The following SEPTIN6 variants were observed in gnomAD, a reference collection of about 807,000 sequenced individuals.
The protein encoded by SEPTIN6 is septin-6.
In SEPTIN6, 8 loss-of-function variants were observed where a neutral mutation model predicts 33.6. The ratio of observed to expected loss-of-function variants is 0.24; its 90% CI spans 0.14 to 0.43. SEPTIN6 has a LOEUF of 0.43. Among genes scored for constraint, SEPTIN6 ranks in the 20% least tolerant of loss-of-function variants. The pLI, the probability that SEPTIN6 is intolerant of heterozygous loss-of-function variation, is 1.00. For synonymous variants in SEPTIN6, 131 were observed against 140.0 expected (o/e 0.94, Z 0.45); for missense variants, 250 against 340.8 (o/e 0.73, Z 2.10).
intron 2 of SEPTIN6, among the ~76,000 whole-genome samples, chrX:119,663,984 G>A (rs1258806224): frequency 3.6e-5 from 4 of 110,366 alleles, no homozygotes; most frequent in African/African-American, 1.3e-4. Context: ...GTTGTTGTTT[G>A]TTTGTTTGTT....
At chrX:119,616,531 A>G (rs753936562), downstream of SEPTIN6, 1 of 541,054 alleles carries the variant, frequency 1.8e-6, no homozygotes, top group East Asian at 3.4e-5. Context: ...CATTTAAAAT[A>G]CCATGTGAGT....
At chrX:119,616,596 TGTG>T, downstream of SEPTIN6, 1 of 690,660 alleles carries the variant, frequency 1.4e-6, no homozygotes, top group Non-Finnish European at 2.3e-6. Flanking sequence ...TGTTGAGTGG[TGTG>T]GTGTATGTGT....
intron 1 of SEPTIN6, among the ~76,000 whole-genome samples, chrX:119,690,348 T>TACACACACACACACAC (rs1196119691): frequency 1.3e-4 from 10 of 75,006 alleles, no homozygotes; most frequent in African/African-American, 4.1e-4. Flanking sequence ...TACATACACA[T>TACACACACACACACAC]ACACACACAC....
chrX:119,682,096 C>T (rs1045102018), intron 1 of SEPTIN6, among the ~76,000 whole-genome samples: 2 of 110,649 alleles, frequency 1.8e-5, no homozygotes, highest in African/African-American at 6.6e-5. Flanking sequence ...AATATGAGCC[C>T]ATATATGCCC....
intron 5 of SEPTIN6, among the ~76,000 whole-genome samples, chrX:119,642,686 C>T (rs1467532256): frequency 1.8e-5 from 2 of 111,633 alleles, no homozygotes; most frequent in Admixed American, 1.9e-4. Context: ...AGGCTGATCT[C>T]ACAGTCAATT....
intron 9 of SEPTIN6, among the ~76,000 whole-genome samples, chrX:119,627,092 C>G (rs2053867925): frequency 8.9e-6 from 1 of 111,861 alleles, no homozygotes; most frequent in South Asian, 3.7e-4. Flanking sequence ...CATGTTATTC[C>G]TAAGTGATAA....
chrX:119,646,513 A>T (rs2054259533), intron 5 of SEPTIN6, among the ~76,000 whole-genome samples: 1 of 112,022 alleles, frequency 8.9e-6, no homozygotes, highest in Non-Finnish European at 1.9e-5. Flanking sequence ...CAACCTTGAG[A>T]GATATCAGAG....
intron 3 of SEPTIN6, among the ~76,000 whole-genome samples, chrX:119,655,961 G>A (rs2054436228): frequency 8.9e-6 from 1 of 111,944 alleles, no homozygotes; most frequent in African/African-American, 3.2e-5. Flanking sequence ...TCCAGTTGTT[G>A]TAAATAGCTC....
intron 4 of SEPTIN6, among the ~76,000 whole-genome samples, chrX:119,651,105 G>A (rs2054343023): frequency 9.0e-6 from 1 of 110,528 alleles, no homozygotes. Context: ...GGGGGTGGGG[G>A]AGGGGCATAG....
chrX:119,645,752 G>C (rs180862795), intron 5 of SEPTIN6, among the ~76,000 whole-genome samples: 11 of 110,932 alleles, frequency 9.9e-5, no homozygotes, highest in South Asian at 3.8e-4. Context: ...GGATGGTCTC[G>C]ATCTCTTGAC....
chrX:119,663,590 C>T lies in SEPTIN6; in HGVS notation c.233G>A (p.Gly78Asp). Residue 78 changes from glycine to aspartate, a missense_variant, in exon 3 of 11, where the codon GGT becomes GAT. Gly to Asp is a moderately conservative substitution (Grantham distance 94). Around this residue, in one of 2 missense-constraint regions of SEPTIN6, gnomAD observed 111 missense variants for 113.8 expected, o/e 0.98. Coordinates refer to ENST00000394610, the MANE Select transcript of SEPTIN6 (RefSeq NM_145799.4). ...ATAGGTATTAGACTGGAGCTGGACA[C>T]CCGGCTGTGTGTGGGTGGCTGGCTC... ...EGEPATHTQP[G>D]VQLQSNTYDL... is the part of the protein sequence containing the mutation. The T allele has an allele frequency of 8.3e-7, 1 of 1,210,797 alleles. No individual in the cohort carries two copies. The highest frequency in any genetic ancestry group is 1.1e-6 in the Non-Finnish European group (1 of 895,029).
chrX:119,661,379 T>C (rs941365331), intron 3 of SEPTIN6, among the ~76,000 whole-genome samples: 2 of 110,655 alleles, frequency 1.8e-5, no homozygotes, highest in Admixed American at 9.7e-5. Flanking sequence ...TGCAGTGAGC[T>C]GAGATCACAC....
intron 1 of SEPTIN6, among the ~76,000 whole-genome samples, chrX:119,683,425 C>T (rs1329745397): frequency 8.9e-6 from 1 of 112,412 alleles, no homozygotes; most frequent in African/African-American, 3.2e-5. Context: ...ATCTCCAAGA[C>T]TATGAATCAT....
At position 119,629,513 on chromosome X, in the gene SEPTIN6, C is replaced by T. The variant is rs755371763; in HGVS notation, c.1090-5G>A. On this transcript the variant is annotated splice_polypyrimidine_tract_variant and splice_region_variant and intron_variant, in intron 8 of 10. Transcript: ENST00000394610. ...ACGGTCAAACTTCTCGTGCAGCTGGCAGGGAAGCACAGGGAGATTGGAGAG... is the reference window on the plus strand; with the variant it reads ...ACGGTCAAACTTCTCGTGCAGCTGGTAGGGAAGCACAGGGAGATTGGAGAG... 8.3e-7 allele frequency: 1 copy of T among 1,203,626 alleles called. No individual in the cohort carries two copies. Among genetic ancestry groups the T allele is most frequent in the Non-Finnish European group, 1.1e-6 (1 of 890,608 alleles).
At chrX:119,686,261 C>T (rs776782059) in intron 1 of SEPTIN6, among the ~76,000 whole-genome samples, 11 of 111,969 alleles carry the variant, frequency 9.8e-5, no homozygotes, top group Non-Finnish European at 1.9e-4. Flanking sequence ...CCTGCCTCAG[C>T]GCCAGTGTTC....
Position 119,681,962 on chromosome X carries a change from G to A in SEPTIN6, c.31-6294C>T, listed in dbSNP as rs6646445. ...TGATGTGGGAGGATTGCTTGAGCCC[G>A]GTAGGTCGAGGATGTAGTGGGCCAA... On this transcript the variant is annotated intron_variant, in intron 1 of 10. Transcript: ENST00000394610. 1.1e-3 allele frequency among the ~76,000 whole-genome samples: 117 copies of A among 111,057 alleles called. No homozygotes were observed. In the East Asian group the frequency reaches 0.029, roughly 28 times the overall value.
intron 2 of SEPTIN6, among the ~76,000 whole-genome samples, chrX:119,673,841 CA>C (rs774954935): frequency 0.17 from 6,361 of 37,873 alleles, 177 homozygotes; most frequent in Admixed American, 0.31. Context: ...GACTCTGTCT[CA>C]AAAAAAAAAA....
At chrX:119,625,249 T>C in intron 10 of SEPTIN6, 86 bp downstream of exon 10, 1 of 620,766 alleles carries the variant, frequency 1.6e-6, no homozygotes, top group Non-Finnish European at 2.7e-6. Flanking sequence ...TCTTCTACGA[T>C]TAGATGCTTG....
chrX:119,676,842 T>G (rs927326931), intron 1 of SEPTIN6, among the ~76,000 whole-genome samples: 11 of 111,948 alleles, frequency 9.8e-5, no homozygotes, highest in African/African-American at 3.6e-4. Context: ...GTGTAGAGGT[T>G]AAGAGTAGAG....
Sources: allele counts gnomAD v4.1 joint callset (sites outside exome capture counted in the v4.1 genomes callset), GRCh38; gene constraint gnomAD v4.1.1; regional missense constraint gnomAD v4.1.1; transcripts MANE v1.5; gene names NCBI Gene and HGNC (gene_info 2026-07-23, HGNC 2026-07-21).